FKBP11: variants seen among roughly 807,000 people sequenced by gnomAD.
The protein encoded by FKBP11 is peptidyl-prolyl cis-trans isomerase FKBP11.
A neutral mutation model predicts 24.7 loss-of-function variants in FKBP11; 21 were observed. That is an observed-to-expected ratio of 0.85 (90% confidence interval 0.60 to 1.23). The LOEUF is 1.23. FKBP11 is among the 50% of genes most tolerant of loss of function. FKBP11 has a pLI of 0.00. For missense variants in FKBP11, 245 were observed against 248.7 expected, an observed-to-expected ratio of 0.99 and a Z score of 0.10; for synonymous variants, 106 against 100.6, an observed-to-expected ratio of 1.05 and a Z score of -0.32.
chr12:48,927,473 A>G (rs1939993414), upstream of FKBP11, among the ~76,000 whole-genome samples: 1 of 152,216 alleles, frequency 6.6e-6, no homozygotes, highest in Non-Finnish European at 1.5e-5. Flanking sequence ...TATACTTACA[A>G]TCTGTGCATT....
In FKBP11 at chr12:48,922,062, T is replaced by C; in HGVS notation, c.528A>G (p.Leu176=). 1 of 1,614,228 alleles carries C rather than the reference T, an allele frequency of 6.2e-7. No individual in the cohort carries two copies. The highest frequency in any genetic ancestry group is 8.5e-7 in the Non-Finnish European group (1 of 1,180,040). The change falls in exon 6 of 6, where the codon CTA becomes CTG. Residue 176 remains leucine, a synonymous_variant. Transcript: ENST00000550765. ...CTTTGGGTCTATTGGCCTTTCTGTA[T>C]AGGTGATACCCAATGAGGCCCAGGA... The part of the protein sequence containing the change: ...PALLGLIGYH[L]YRKANRPKVS...
chr12:48,924,180 A>G, intron 4 of FKBP11, 43 bp downstream of exon 4: 1 of 1,612,160 alleles, frequency 6.2e-7, no homozygotes, highest in Non-Finnish European at 8.5e-7. Flanking sequence ...GCCTCTACCC[A>G]TGCAAAGGGG....
intron 2 of FKBP11, 24 bp downstream of exon 2, chr12:48,925,011 TCCCAGGCCCCG>T: frequency 1.1e-6 from 1 of 919,416 alleles, no homozygotes; most frequent in Non-Finnish European, 1.7e-6. Context: ...CGCCGCCCCC[TCCCAGGCCCCG>T]CCCCGGCCCC....
chr12:48,923,008 C>T lies in FKBP11; in HGVS notation c.388+774G>A, dbSNP rs772647870. 10 of 740,994 alleles carry T rather than the reference C, an allele frequency of 1.3e-5. No homozygotes were observed. In the East Asian group the frequency reaches 5.5e-4, roughly 41 times the overall value. The allele number at this position is 740,994 out of a possible 1,614,324, so 45.9% of individuals were successfully genotyped here. A position where few individuals can be genotyped will look rare whatever the true frequency, so the allele number is the denominator to read the frequency against. On this transcript the variant is annotated intron_variant, in intron 5 of 5. Transcript: ENST00000550765. ...TACTAAAAGTATAAAATTAGCCGGT[C>T]GTGGTGGCGCATGCCTGTAATCCCA...
chr12:48,925,017 G>GCCCCCCCCCCGCCCCCCCCA, intron 2 of FKBP11, 29 bp downstream of exon 2: 1 of 1,553,708 alleles, frequency 6.4e-7, no homozygotes, highest in Non-Finnish European at 8.8e-7. Context: ...CCCCTCCCAG[G>GCCCCCCCCCCGCCCCCCCCA]CCCCGCCCCG....
At chr12:48,933,665 C>A in the FKBP11 span, among the ~76,000 whole-genome samples, 2 of 150,478 alleles carry the variant, frequency 1.3e-5, no homozygotes, top group South Asian at 2.1e-4. Context: ...CACGCCATTG[C>A]ACTCCAGCTT....
chr12:48,924,248 G>C lies in FKBP11; in HGVS notation c.292C>G (p.Gln98Glu). The change falls in exon 4 of 6, where the codon CAG (glutamine) becomes GAG (glutamate). Residue 98 changes from glutamine to glutamate, a missense_variant. Transcript: ENST00000550765. ...GQKQVIPGLE[Q>E]SLLDMCVGEK... ...CCCACACACATGTCGAGAAGACTCT[G>C]CTCCAGACCTTGAAGAAGAAGACAC... The C allele has an allele frequency of 2.5e-6, 4 of 1,614,140 alleles. No homozygotes were observed. In the East Asian group the frequency reaches 8.9e-5, roughly 36 times the overall value.
At chr12:48,925,520 T>TGGACG (rs1939946594), upstream of FKBP11, 6 of 1,440,680 alleles carry the variant, frequency 4.2e-6, no homozygotes, top group South Asian at 2.7e-5. Flanking sequence ...CAGGCCAGAC[T>TGGACG]GGACGGGACG....
At chr12:48,934,100 T>C in the FKBP11 span, among the ~76,000 whole-genome samples, 6 of 152,170 alleles carry the variant, frequency 3.9e-5, no homozygotes, top group African/African-American at 1.4e-4. Flanking sequence ...ACTAAATACA[T>C]ACTTGTCAAC....
At chr12:48,923,715 A>C in intron 5 of FKBP11, 67 bp downstream of exon 5, 1 of 1,579,078 alleles carries the variant, frequency 6.3e-7, no homozygotes, top group Non-Finnish European at 8.7e-7. Context: ...AACAAAGTAT[A>C]TAGCTCCTTA....
At chr12:48,931,601 G>A in the FKBP11 span, 9 of 832,630 alleles carry the variant, frequency 1.1e-5, no homozygotes, top group African/African-American at 3.4e-5. Flanking sequence ...ACACTCAAAG[G>A]TGTCTCTGTC....
the FKBP11 span, among the ~76,000 whole-genome samples, chr12:48,934,258 G>C: frequency 6.6e-6 from 1 of 152,176 alleles, no homozygotes; most frequent in Admixed American, 6.5e-5. Context: ...ATGAAGGGGA[G>C]GGTTTTGCCC....
At position 48,923,664 on chromosome 12, in the gene FKBP11, A is replaced by G. The variant is rs558074197; in HGVS notation, c.388+118T>C. On this transcript the variant is annotated intron_variant, in intron 5 of 5. Transcript: ENST00000550765. ...GTAGATGGAGGCCCCAGCCACTCCT[A>G]TCTGTCTAAACAAACTTGGTCTGGA... 4.0e-5 allele frequency: 64 copies of G among 1,581,264 alleles called. 1 individual carries two copies. In the South Asian group the frequency reaches 7.0e-4, roughly 17 times the overall value.
chr12:48,925,137 G>A (rs771694555), intron 1 of FKBP11, 26 bp from the exon 2 acceptor site: 2 of 1,611,292 alleles, frequency 1.2e-6, no homozygotes, highest in Non-Finnish European at 1.7e-6. Flanking sequence ...AGGGGTCACG[G>A]ATGCTCTTCC....
upstream of FKBP11, among the ~76,000 whole-genome samples, chr12:48,931,021 C>T (rs1173543327): frequency 2.7e-5 from 4 of 147,876 alleles, no homozygotes; most frequent in Non-Finnish European, 3.0e-5. Context: ...CCCAGCTACT[C>T]GGGAGGCTGA....
At chr12:48,934,323 T>G in the FKBP11 span, among the ~76,000 whole-genome samples, 1 of 152,208 alleles carries the variant, frequency 6.6e-6, no homozygotes, top group Non-Finnish European at 1.5e-5. Flanking sequence ...CAGGCTCATT[T>G]GGGAAGCTCC....
chr12:48,930,886 T>C (rs916098026), upstream of FKBP11, among the ~76,000 whole-genome samples: 5 of 152,070 alleles, frequency 3.3e-5, no homozygotes, highest in Non-Finnish European at 5.9e-5. Context: ...CCCAGCACTT[T>C]GGGAGGCCGA....
chr12:48,933,971 G>A, the FKBP11 span, among the ~76,000 whole-genome samples: 1 of 152,048 alleles, frequency 6.6e-6, no homozygotes, highest in Non-Finnish European at 1.5e-5. Flanking sequence ...ACTACCCAAC[G>A]TGGTATACTA....
intron 2 of FKBP11, 115 bp from the exon 3 acceptor site, chr12:48,924,763 G>A (rs2293449): frequency 0.46 from 692,454 of 1,521,442 alleles, 158,850 homozygotes; most frequent in Admixed American, 0.57. Flanking sequence ...GCAGCCTAGC[G>A]TTCCCCTTAC....
Sources: gnomAD v4.1 joint callset for allele counts (sites outside exome capture counted in the v4.1 genomes callset) on GRCh38, gnomAD v4.1.1 for gene constraint, MANE v1.5 for transcripts, NCBI Gene and HGNC (gene_info 2026-07-23, HGNC 2026-07-21) for gene names.